The following SHISA9 variants were observed in gnomAD, a reference collection of about 807,000 sequenced individuals.
SHISA9 encodes the protein shisa family member 9.
Under a neutral mutation model 38.0 loss-of-function variants are expected in SHISA9, and 13 were observed. The ratio of observed to expected loss-of-function variants is 0.34; its 90% CI spans 0.22 to 0.54. The LOEUF (loss-of-function observed/expected upper bound fraction) is 0.54. Among genes scored for constraint, SHISA9 ranks in the 20% least tolerant of loss-of-function variants. The pLI, the probability that SHISA9 is intolerant of heterozygous loss-of-function variation, is 0.91. For missense variants in SHISA9, 538 were observed against 575.8 expected, an observed-to-expected ratio of 0.93 and a Z score of 0.67; for synonymous variants, 275 against 242.0, an observed-to-expected ratio of 1.14 and a Z score of -1.27.
the SHISA9 span, among the ~76,000 whole-genome samples, chr16:13,386,131 G>C: frequency 0.018 from 2,702 of 152,230 alleles, 70 homozygotes; most frequent in African/African-American, 0.06. Context: ...ACACACAAAT[G>C]AGTACAAGTA....
At chr16:13,255,139 A>G in the SHISA9 span, among the ~76,000 whole-genome samples, 87 of 150,376 alleles carry the variant, frequency 5.8e-4, no homozygotes, top group African/African-American at 2.0e-3. Context: ...GCTTTCTCAC[A>G]CTTCCTCTTC....
intron 2 of SHISA9, among the ~76,000 whole-genome samples, chr16:13,160,307 T>C (rs1487451635): frequency 6.6e-6 from 1 of 152,162 alleles, no homozygotes; most frequent in Non-Finnish European, 1.5e-5. Context: ...GTGCTTGATA[T>C]CTTGATTTGT....
the SHISA9 span, among the ~76,000 whole-genome samples, chr16:13,295,820 A>G: frequency 2.0e-5 from 3 of 152,312 alleles, no homozygotes; most frequent in Middle Eastern, 6.8e-3. Flanking sequence ...CAATGCATGA[A>G]GTGTGCCAAA....
intron 2 of SHISA9, among the ~76,000 whole-genome samples, chr16:13,160,770 A>G (rs1261464954): frequency 6.6e-6 from 1 of 152,206 alleles, no homozygotes; most frequent in African/African-American, 2.4e-5. Flanking sequence ...GCTTGCATAG[A>G]TGTGTCAGAA....
chr16:12,906,776 G>C (rs2071100664), intron 1 of SHISA9, among the ~76,000 whole-genome samples: 1 of 152,064 alleles, frequency 6.6e-6, no homozygotes, highest in African/African-American at 2.4e-5. Context: ...CTATTGACTG[G>C]AGAATCCTGC....
At chr16:12,966,605 C>T (rs2071981780) in intron 2 of SHISA9, among the ~76,000 whole-genome samples, 1 of 152,176 alleles carries the variant, frequency 6.6e-6, no homozygotes, top group Admixed American at 6.5e-5. Context: ...TCGTTATCCC[C>T]ACTTGCAGAT....
the SHISA9 span, among the ~76,000 whole-genome samples, chr16:13,444,748 A>T: frequency 2.0e-5 from 3 of 149,188 alleles, no homozygotes; most frequent in Non-Finnish European, 4.5e-5. Flanking sequence ...CTCCAGAAAG[A>T]CTCCCAGATC....
chr16:13,180,911 G>A (rs573073177), intron 2 of SHISA9, among the ~76,000 whole-genome samples: 188 of 152,228 alleles, frequency 1.2e-3, no homozygotes, highest in Non-Finnish European at 2.0e-3. Flanking sequence ...TGGAATCATA[G>A]TCAATTGGAG....
the SHISA9 span, among the ~76,000 whole-genome samples, chr16:13,324,972 A>G: frequency 3.3e-5 from 5 of 152,228 alleles, no homozygotes; most frequent in Admixed American, 6.5e-5. Flanking sequence ...CTGCCTGAAG[A>G]GTTGAATTCA....
chr16:13,034,012 G>T (rs1332310526), intron 2 of SHISA9, among the ~76,000 whole-genome samples: 2 of 152,132 alleles, frequency 1.3e-5, no homozygotes, highest in African/African-American at 4.8e-5. Context: ...CAGGTGTGGT[G>T]GCGCATGCCT....
intron 2 of SHISA9, among the ~76,000 whole-genome samples, chr16:13,045,383 C>T (rs1252379213): frequency 6.6e-6 from 1 of 152,164 alleles, no homozygotes; most frequent in African/African-American, 2.4e-5. Context: ...GGAATTCTGT[C>T]TCCAGAGCTC....
At chr16:13,550,532 A>C in the SHISA9 span, among the ~76,000 whole-genome samples, 1 of 152,194 alleles carries the variant, frequency 6.6e-6, no homozygotes, top group Admixed American at 6.5e-5. Context: ...TTTTTCCAGC[A>C]CGTTTTCTTG....
chr16:13,037,060 A>T lies in SHISA9; in HGVS notation c.691+120245A>T, dbSNP rs74012247. 0.022 allele frequency among the ~76,000 whole-genome samples: 238 copies of T among 10,976 alleles called. 1 individual carries two copies. The Middle Eastern group carries it at 0.22, about 10-fold the overall frequency. The allele number at this position is 10,976 out of a possible 152,430, so 7.2% of individuals were successfully genotyped here. On this transcript the variant is annotated intron_variant, in intron 2 of 4. Coordinates refer to ENST00000558583, the MANE Select transcript of SHISA9 (RefSeq NM_001145204.3). Reference sequence around the variant, plus strand: ...AGTAAAAGGAAAGCAGGGAATGATCACACACACACACACACACACACACCA... The same window carrying T: ...AGTAAAAGGAAAGCAGGGAATGATCTCACACACACACACACACACACACCA...
chr16:13,397,316 G>T, the SHISA9 span, among the ~76,000 whole-genome samples: 9 of 152,326 alleles, frequency 5.9e-5, no homozygotes, highest in South Asian at 2.1e-4. Context: ...CCTAGGGGGA[G>T]CATGCAGACA....
At chr16:13,254,587 C>A in the SHISA9 span, among the ~76,000 whole-genome samples, 2 of 152,244 alleles carry the variant, frequency 1.3e-5, no homozygotes, top group African/African-American at 4.8e-5. Context: ...ACTTTTCCAT[C>A]CATCGTACAG....
intron 2 of SHISA9, among the ~76,000 whole-genome samples, chr16:13,157,285 T>C (rs561745777): frequency 1.1e-4 from 16 of 152,342 alleles, no homozygotes; most frequent in Middle Eastern, 3.4e-3. Flanking sequence ...AGGAAGTTGT[T>C]TGTGTGAAGC....
At chr16:12,958,527 T>C (rs2071866244) in intron 2 of SHISA9, among the ~76,000 whole-genome samples, 2 of 152,224 alleles carry the variant, frequency 1.3e-5, no homozygotes, top group African/African-American at 4.8e-5. Context: ...ACAATATGTC[T>C]TCATAATAGA....
At chr16:13,317,639 C>T in the SHISA9 span, among the ~76,000 whole-genome samples, 4 of 152,150 alleles carry the variant, frequency 2.6e-5, no homozygotes, top group Admixed American at 6.6e-5. Flanking sequence ...TCAGTCCCTG[C>T]CTCTGTAGAA....
the SHISA9 span, among the ~76,000 whole-genome samples, chr16:13,380,117 T>G: frequency 6.6e-6 from 1 of 152,078 alleles, no homozygotes; most frequent in Non-Finnish European, 1.5e-5. Flanking sequence ...TATGTTTAAT[T>G]TGAGCATCAG....
Sources: gnomAD v4.1 joint callset for allele counts (sites outside exome capture counted in the v4.1 genomes callset) on GRCh38, gnomAD v4.1.1 for gene constraint, MANE v1.5 for transcripts, NCBI Gene and HGNC (gene_info 2026-07-23, HGNC 2026-07-21) for gene names.